KIAA0513: variants seen among roughly 807,000 people sequenced by gnomAD.
KIAA0513 encodes the protein uncharacterized protein KIAA0513.
KIAA0513 carries 39 observed loss-of-function variants against 56.5 expected under a neutral mutation model. The observed-to-expected ratio is 0.69, with a 90% confidence interval of 0.53 to 0.90. KIAA0513 has a LOEUF of 0.90. Ranked by LOEUF, KIAA0513 falls within the 40% of genes least tolerant of loss-of-function variation. KIAA0513 has a pLI of 0.00. For missense variants in KIAA0513, 591 were observed against 535.2 expected, an observed-to-expected ratio of 1.10 and a Z score of -1.03; for synonymous variants, 268 against 215.6, an observed-to-expected ratio of 1.24 and a Z score of -2.13.
intron 1 of KIAA0513, among the ~76,000 whole-genome samples, chr16:85,058,188 C>T (rs1342135958): frequency 7.9e-5 from 12 of 152,206 alleles, no homozygotes; most frequent in African/African-American, 2.7e-4. Flanking sequence ...GTCAAAAGCC[C>T]TACTGAGGCA....
chr16:85,058,877 T>G (rs16975168), intron 1 of KIAA0513, among the ~76,000 whole-genome samples: 12,856 of 152,238 alleles, frequency 0.084, 1,761 homozygotes, highest in African/African-American at 0.28. Context: ...GAGAATTTTA[T>G]GAGCAAGGAT....
At position 85,076,064 on chromosome 16, in the gene KIAA0513, G is replaced by A. The variant is rs1469450079; in HGVS notation, c.574+150G>A. 3.9e-5 allele frequency: 25 copies of A among 638,326 alleles called. No homozygotes were observed. The highest frequency in any genetic ancestry group is 9.1e-5 in the South Asian group (5 of 54,686). The allele number at this position is 638,326 out of a possible 1,614,324, so 39.5% of individuals were successfully genotyped here. The stretch of plus-strand genomic sequence containing the variant: ...TGATGTTAGGGAGGAGTGAGACTTC[G>A]GAGAAAACACAGTCCGAATCATGGG... On this transcript the variant is annotated intron_variant, in intron 5 of 12. Transcript: ENST00000683363. This position sits in a 1 kb window ranked among gnomAD's most constrained non-coding sequence, Gnocchi z 4.7.
At position 85,078,947 on chromosome 16, in the gene KIAA0513, C is replaced by A; in HGVS notation, c.846C>A (p.Asp282Glu). 6.2e-7 allele frequency: 1 copy of A among 1,614,038 alleles called. No homozygotes were observed. The change falls in exon 8 of 13, where the codon GAC becomes GAA. Residue 282 changes from aspartate to glutamate, a missense_variant. Physicochemically the swap from Asp to Glu is conservative, Grantham distance 45. Coordinates refer to ENST00000683363, the MANE Select transcript of KIAA0513 (RefSeq NM_001388359.1). ...CAGTGACCGCGTACAGCCCCGAGGA[C>A]GAAAAGAAGGGGGAGAAGATCTACC... The part of the protein sequence containing the change: ...PRAVTAYSPE[D>E]EKKGEKIYLY...
At chr16:85,074,345 C>CAG (rs1296749349) in intron 4 of KIAA0513, among the ~76,000 whole-genome samples, 16 of 133,688 alleles carry the variant, frequency 1.2e-4, no homozygotes, top group Non-Finnish European at 2.1e-4. Flanking sequence ...TACACACATA[C>CAG]ACACACACAC....
chr16:85,090,043 TGA>T lies in KIAA0513; in HGVS notation c.*1720_*1721del, dbSNP rs2073852498. ...GACCATGCTGCCAGTGTGCTCGCCA[TGA>T]GCTGGGTCAGGGCTGGGGAGTTGTG... is the stretch of plus-strand genomic sequence containing the variant. On this transcript the variant is annotated 3_prime_UTR_variant, in exon 13 of 13. Transcript: ENST00000683363. The T allele has an allele frequency of 6.6e-6, 1 of 152,266 alleles. No homozygotes were observed. The highest frequency in any genetic ancestry group is 6.5e-5 in the Admixed American group (1 of 15,274). The allele number at this position is 152,266 out of a possible 1,614,324, so 9.4% of individuals were successfully genotyped here.
intron 12 of KIAA0513, among the ~76,000 whole-genome samples, 160 bp downstream of exon 12, chr16:85,087,326 CTG>C (rs891275647): frequency 1.3e-5 from 2 of 152,206 alleles, no homozygotes; most frequent in African/African-American, 4.8e-5. Context: ...TCTCCCCAGT[CTG>C]TATAGACAGA....
chr16:85,056,231 G>A (rs1383397031), intron 1 of KIAA0513, among the ~76,000 whole-genome samples: 1 of 152,224 alleles, frequency 6.6e-6, no homozygotes, highest in South Asian at 2.1e-4. Context: ...ACTGCCATAG[G>A]AGCCATGCCT....
At position 85,078,918 on chromosome 16, in the gene KIAA0513, C is replaced by G. The variant is rs2073700215; in HGVS notation, c.824-7C>G. The G allele has an allele frequency of 6.2e-7, 1 of 1,614,126 alleles. No homozygotes were observed. Among genetic ancestry groups the G allele is most frequent in the Non-Finnish European group, 8.5e-7 (1 of 1,180,008 alleles). On this transcript the variant is annotated splice_region_variant and splice_polypyrimidine_tract_variant and intron_variant, in intron 7 of 12. Coordinates refer to ENST00000683363, the MANE Select transcript of KIAA0513 (RefSeq NM_001388359.1). Reference sequence around the variant, plus strand: ...GCTGCTTTCAGCCATTCTCTCTCCTCCCACAGTGACCGCGTACAGCCCCGA... The same window carrying G: ...GCTGCTTTCAGCCATTCTCTCTCCTGCCACAGTGACCGCGTACAGCCCCGA...
At chr16:85,032,554 A>G (rs1394157517) in intron 1 of KIAA0513, among the ~76,000 whole-genome samples, 1 of 152,086 alleles carries the variant, frequency 6.6e-6, no homozygotes, top group African/African-American at 2.4e-5. Flanking sequence ...GCTGGTCTCA[A>G]GTTCCTGACC....
intron 1 of KIAA0513, among the ~76,000 whole-genome samples, chr16:85,051,384 ACTGCATTAAG>A (rs2143923829): frequency 6.6e-6 from 1 of 152,338 alleles, no homozygotes; most frequent in South Asian, 2.1e-4. Context: ...GTGGAGAAGA[ACTGCATTAAG>A]CTTTATAAAA....
rs754758164 is a variant in KIAA0513, at chr16:85,067,323, C to T, written c.252C>T (p.Thr84=). The change falls in exon 2 of 13, where the codon ACC becomes ACT. Residue 84 remains threonine (T), a synonymous_variant. Transcript: ENST00000683363. ...AGTCCTTCTCCTCCAACCAGAGCAC[C>T]GAGTCTACCCAGGATGAAGAGACCC... is the stretch of plus-strand genomic sequence containing the variant. ...SNESFSSNQS[T]ESTQDEETLA... The T allele has an allele frequency of 3.7e-6, 6 of 1,611,108 alleles. No individual in the cohort carries two copies. The highest frequency in any genetic ancestry group is 2.2e-5 in the East Asian group (1 of 44,698).
chr16:85,052,449 T>G lies in KIAA0513; in HGVS notation c.-172-14451T>G, dbSNP rs368355138. 8.5e-5 allele frequency among the ~76,000 whole-genome samples: 13 copies of G among 152,144 alleles called. No homozygotes were observed. In the East Asian group the frequency reaches 1.5e-3, roughly 18 times the overall value. On this transcript the variant is annotated intron_variant, in intron 1 of 12. Transcript: ENST00000683363. ...ATCGCTTGAACCTGGGAGGCCGAGG[T>G]TCCCAGGTTCCATTGCATCGTGCCA...
intron 10 of KIAA0513, 76 bp from the exon 11 acceptor site, chr16:85,086,568 G>A: frequency 1.4e-6 from 2 of 1,425,432 alleles, no homozygotes; most frequent in Non-Finnish European, 2.0e-6. Flanking sequence ...AGCACCTGCG[G>A]GTCAGAACAG....
chr16:85,086,379 G>C (rs57472616), intron 10 of KIAA0513, among the ~76,000 whole-genome samples: 9,628 of 152,326 alleles, frequency 0.063, 495 homozygotes, highest in Non-Finnish European at 0.085. Flanking sequence ...CGTGCCTTCA[G>C]GGCCATAAAG....
intron 12 of KIAA0513, among the ~76,000 whole-genome samples, chr16:85,087,564 C>T (rs941166506): frequency 6.6e-6 from 1 of 152,120 alleles, no homozygotes; most frequent in Non-Finnish European, 1.5e-5. Context: ...TCATGAGTAT[C>T]GGGGGACAAG....
intron 2 of KIAA0513, among the ~76,000 whole-genome samples, chr16:85,069,504 C>G (rs745411659): frequency 1.3e-5 from 2 of 152,098 alleles, no homozygotes; most frequent in East Asian, 1.9e-4. Flanking sequence ...GGGGCTGTGA[C>G]GTCCACTGAG....
chr16:85,036,735 A>G (rs142868633), intron 1 of KIAA0513, among the ~76,000 whole-genome samples: 185 of 152,248 alleles, frequency 1.2e-3, no homozygotes, highest in African/African-American at 4.4e-3. Flanking sequence ...AGGGGACCAC[A>G]TTGCATGTGG....
chr16:85,058,796 C>A (rs2073365083), intron 1 of KIAA0513, among the ~76,000 whole-genome samples: 1 of 152,094 alleles, frequency 6.6e-6, no homozygotes, highest in Non-Finnish European at 1.5e-5. Context: ...ATACGAAGAC[C>A]CTCCTGACAA....
In KIAA0513 at chr16:85,088,313, GGC is replaced by G. The variant is rs746782135; in HGVS notation, c.1225_1226del (p.Ala409HisfsTer2). ...TGCTTAGTGACCACATTGAGCAAATGGCCACTGAGTAGGCCCCAGAGGTCGCA... is the reference window on the plus strand; with the variant it reads ...TGCTTAGTGACCACATTGAGCAAATGCACTGAGTAGGCCCCAGAGGTCGCA... ...KLLSDHIEQMATE is the reference protein window; with the variant it reads ...KLLSDHIEQMXTE On this transcript the variant is annotated frameshift_variant, in exon 13 of 13. Coordinates refer to ENST00000683363, the MANE Select transcript of KIAA0513 (RefSeq NM_001388359.1). LOFTEE classifies it high-confidence loss of function. The G allele has an allele frequency of 2.9e-5, 46 of 1,611,368 alleles. No homozygotes were observed. Among genetic ancestry groups the G allele is most frequent in the Non-Finnish European group, 3.9e-5 (46 of 1,179,858 alleles).
Sources: gnomAD v4.1 joint callset for allele counts (sites outside exome capture counted in the v4.1 genomes callset) on GRCh38, gnomAD v4.1.1 for gene constraint, Gnocchi (gnomAD v3.1) non-coding constraint, MANE v1.5 for transcripts, NCBI Gene and HGNC (gene_info 2026-07-23, HGNC 2026-07-21) for gene names.